SCEL: variants seen among roughly 807,000 people sequenced by gnomAD.
SCEL encodes sciellin.
SCEL carries 113 observed loss-of-function variants against 117.6 expected under a neutral mutation model. The observed-to-expected ratio is 0.96, with a 90% confidence interval of 0.83 to 1.12. The LOEUF is 1.12. Ranked by LOEUF, SCEL falls within the 50% of genes most tolerant of loss-of-function variation. The pLI, the probability that SCEL is intolerant of heterozygous loss-of-function variation, is 0.00. For synonymous variants in SCEL, 270 were observed against 256.2 expected (o/e 1.05, Z -0.51); for missense variants, 785 against 810.8 (o/e 0.97, Z 0.39).
chr13:77,603,885 T>C lies in SCEL; in HGVS notation c.1098-471T>C, dbSNP rs549468101. On this transcript the variant is annotated intron_variant, in intron 18 of 32. Coordinates refer to ENST00000349847, the MANE Select transcript of SCEL (RefSeq NM_144777.3). ...AAAGCATACGTTCTTATTCTTTTAGTTAATATTGTTAAATTCTTGTTATTA... is the reference window on the plus strand; with the variant it reads ...AAAGCATACGTTCTTATTCTTTTAGCTAATATTGTTAAATTCTTGTTATTA... Among the ~76,000 whole-genome samples the C allele has an allele frequency of 3.3e-5, 5 of 152,354 alleles. No homozygotes were observed. In the South Asian group the frequency reaches 6.2e-4, roughly 19 times the overall value.
chr13:77,615,955 TGA>T (rs2088988151), intron 24 of SCEL, among the ~76,000 whole-genome samples: 1 of 151,830 alleles, frequency 6.6e-6, no homozygotes, highest in African/African-American at 2.4e-5. Context: ...ATAGAAAATA[TGA>T]GAGTTCTTAG....
At chr13:77,573,987 T>C (rs1438787825) in intron 9 of SCEL, among the ~76,000 whole-genome samples, 1 of 152,234 alleles carries the variant, frequency 6.6e-6, no homozygotes, top group Admixed American at 6.5e-5. Flanking sequence ...TAACTAGTTA[T>C]TATTTTTTCT....
intron 3 of SCEL, 24 bp from the exon 4 acceptor site, chr13:77,559,780 C>T (rs1292357737): frequency 1.9e-6 from 3 of 1,607,378 alleles, no homozygotes. Flanking sequence ...TTCTATGTGA[C>T]ATACTTTTGT....
chr13:77,578,210 A>G (rs1275251110), intron 9 of SCEL, among the ~76,000 whole-genome samples: 1 of 152,090 alleles, frequency 6.6e-6, no homozygotes, highest in Non-Finnish European at 1.5e-5. Context: ...TATGACCATG[A>G]GGTAGCAGAG....
intron 1 of SCEL, among the ~76,000 whole-genome samples, chr13:77,551,227 A>G (rs1301492842): frequency 6.6e-6 from 1 of 152,186 alleles, no homozygotes; most frequent in African/African-American, 2.4e-5. Context: ...GTTTATGTGA[A>G]AAATGAGAGA....
At chr13:77,616,073 T>C (rs1201456221) in intron 24 of SCEL, among the ~76,000 whole-genome samples, 2 of 151,412 alleles carry the variant, frequency 1.3e-5, no homozygotes, top group African/African-American at 4.9e-5. Flanking sequence ...AGTATTAGGC[T>C]GTGATGTAAA....
chr13:77,629,330 C>T (rs1275252307), intron 28 of SCEL, among the ~76,000 whole-genome samples: 1 of 152,072 alleles, frequency 6.6e-6, no homozygotes, highest in Non-Finnish European at 1.5e-5. Flanking sequence ...CTGCCCTTCC[C>T]TGTACCTGTT....
At position 77,593,295 on chromosome 13, in the gene SCEL, T is replaced by TGTGTGCGCGCGC. The variant is rs796907419; in HGVS notation, c.693-217_693-216insGTGCGCGCGCGT. ...GTGTGTGTGTGTGTGTGTGTGTGTG[T>TGTGTGCGCGCGC]GTCTGTGTGTGTGTGTGTGTGTGTC... is the stretch of plus-strand genomic sequence containing the variant. On this transcript the variant is annotated intron_variant, in intron 11 of 32. Coordinates refer to ENST00000349847, the MANE Select transcript of SCEL (RefSeq NM_144777.3). Among the ~76,000 whole-genome samples, 147 of 136,882 alleles carry TGTGTGCGCGCGC rather than the reference T, an allele frequency of 1.1e-3. 2 individuals carry two copies. In the South Asian group the frequency reaches 0.014, roughly 13 times the overall value. 89.8% of individuals were successfully genotyped at this position (136,882 alleles called of 152,430 possible).
intron 9 of SCEL, among the ~76,000 whole-genome samples, chr13:77,580,733 A>G (rs2086219934): frequency 6.6e-6 from 1 of 152,212 alleles, no homozygotes; most frequent in South Asian, 2.1e-4. Context: ...CTAGAAATGA[A>G]TGTGCTTTTT....
chr13:77,552,610 G>A (rs2084400804), intron 1 of SCEL, among the ~76,000 whole-genome samples: 2 of 152,280 alleles, frequency 1.3e-5, no homozygotes, highest in South Asian at 4.1e-4. Context: ...TGTCAGATGA[G>A]TAGGTTGTGA....
rs1238582521 is a variant in SCEL, at chr13:77,628,020, TTA to T, written c.1691+14_1691+15del. 5 of 1,403,486 alleles carry T rather than the reference TTA, an allele frequency of 3.6e-6. No homozygotes were observed. Among genetic ancestry groups the T allele is most frequent in the Non-Finnish European group, 4.8e-6 (5 of 1,038,218 alleles). 86.9% of individuals were successfully genotyped at this position (1,403,486 alleles called of 1,614,324 possible). A position where few individuals can be genotyped will look rare whatever the true frequency, so the allele number is the denominator to read the frequency against. On this transcript the variant is annotated intron_variant, in intron 28 of 32. Coordinates refer to ENST00000349847, the MANE Select transcript of SCEL (RefSeq NM_144777.3). ...AAACAAGAATGGAAGGTAAAGCTTA[TTA>T]TAATTCACTTTTTTTCTTATGAGTT...
chr13:77,625,095 T>C (rs116848162), intron 27 of SCEL, among the ~76,000 whole-genome samples: 3,875 of 152,262 alleles, frequency 0.025, 162 homozygotes, highest in East Asian at 0.13. Context: ...AACAAAGTTC[T>C]AATTGCCCAA....
At chr13:77,539,969 A>G (rs2083613535) in intron 1 of SCEL, among the ~76,000 whole-genome samples, 1 of 152,216 alleles carries the variant, frequency 6.6e-6, no homozygotes, top group South Asian at 2.1e-4. Flanking sequence ...GAAAAACACA[A>G]TAATAAAAGT....
chr13:77,591,239 C>T (rs1051669601), intron 10 of SCEL, among the ~76,000 whole-genome samples, 156 bp from the exon 11 acceptor site: 2 of 152,042 alleles, frequency 1.3e-5, no homozygotes, highest in Admixed American at 1.3e-4. Flanking sequence ...CTGGAGTTCC[C>T]GCCAACCCAA....
rs1344768968 is a variant in SCEL at position 77,610,102 on chromosome 13, C to T, written c.1333C>T (p.Gln445Ter). 1.2e-6 allele frequency: 2 copies of T among 1,606,464 alleles called. No individual in the cohort carries two copies. Among genetic ancestry groups the T allele is most frequent in the African/African-American group, 2.7e-5 (2 of 74,510 alleles). ...KVTPERNRTNQGNQDLENLIK... is the reference protein window; with the variant it reads ...KVTPERNRTN ...GACTCCTGAAAGAAACAGAACTAAC[C>T]AAGGGTAAGGTTTATGGAACTCTCT... is the stretch of plus-strand genomic sequence containing the variant. Residue 445 changes from glutamine (Q) to a stop codon, truncating the protein, a stop_gained, in exon 22 of 33, where the codon CAA becomes TAA. Transcript: ENST00000349847. LOFTEE classifies it high-confidence loss of function.
intron 1 of SCEL, among the ~76,000 whole-genome samples, chr13:77,544,052 TAA>T (rs1408070930): frequency 4.6e-5 from 7 of 152,176 alleles, no homozygotes; most frequent in Non-Finnish European, 8.8e-5. Flanking sequence ...CATTCATCAT[TAA>T]GTTTCATTAA....
intron 15 of SCEL, among the ~76,000 whole-genome samples, chr13:77,601,651 C>T (rs1161445978): frequency 4.6e-5 from 7 of 152,282 alleles, no homozygotes; most frequent in Middle Eastern, 3.4e-3. Flanking sequence ...AATGACTTGT[C>T]TGAATTCTCA....
intron 9 of SCEL, among the ~76,000 whole-genome samples, chr13:77,576,577 G>A (rs976941467): frequency 2.6e-5 from 4 of 152,132 alleles, no homozygotes; most frequent in African/African-American, 4.8e-5. Flanking sequence ...TTGCCTTTGG[G>A]TAGCCCACTG....
chr13:77,603,343 C>A (rs1451963371), intron 18 of SCEL, among the ~76,000 whole-genome samples: 1 of 152,078 alleles, frequency 6.6e-6, no homozygotes, highest in Admixed American at 6.5e-5. Flanking sequence ...TGCCTTTTTG[C>A]CCAGATTTTG....
Sources: allele counts gnomAD v4.1 joint callset (sites outside exome capture counted in the v4.1 genomes callset), GRCh38; gene constraint gnomAD v4.1.1; transcripts MANE v1.5; gene names NCBI Gene and HGNC (gene_info 2026-07-23, HGNC 2026-07-21).